RBMS1: variants seen among roughly 807,000 people sequenced by gnomAD.
The protein encoded by RBMS1 is RNA binding motif single stranded interacting protein 1.
RBMS1 carries 17 observed loss-of-function variants against 62.3 expected under a neutral mutation model. That is an observed-to-expected ratio of 0.27 (90% CI 0.19 to 0.41). The LOEUF (loss-of-function observed/expected upper bound fraction) is 0.41. Ranked by LOEUF, RBMS1 falls within the 10% of genes least tolerant of loss-of-function variation. RBMS1 has a pLI of 1.00. For synonymous variants in RBMS1, 172 were observed against 170.0 expected, an observed-to-expected ratio of 1.01 and a Z score of -0.09; for missense variants, 334 against 504.5, an observed-to-expected ratio of 0.66 and a Z score of 3.24.
chr2:160,365,513 TATG>T (rs1446512839), intron 2 of RBMS1, among the ~76,000 whole-genome samples: 12 of 152,242 alleles, frequency 7.9e-5, no homozygotes, highest in African/African-American at 2.9e-4. Context: ...ACATTTGTAA[TATG>T]ATTCAGTTCA....
chr2:160,332,340 T>G (rs1691324328), intron 2 of RBMS1, among the ~76,000 whole-genome samples: 1 of 152,204 alleles, frequency 6.6e-6, no homozygotes. Context: ...TTATTTTAAT[T>G]TCAAGTTATA....
At chr2:160,310,387 G>C (rs1689783391) in intron 4 of RBMS1, among the ~76,000 whole-genome samples, 1 of 152,142 alleles carries the variant, frequency 6.6e-6, no homozygotes, top group Admixed American at 6.6e-5. Context: ...TTGACTCTCA[G>C]CAGTTTTAAA....
chr2:160,318,197 A>T lies in RBMS1; in HGVS notation c.282T>A (p.Ile94=), dbSNP rs76914882. Residue 94 remains isoleucine (I), a synonymous_variant, in exon 3 of 14, where the codon ATT becomes ATA. Transcript: ENST00000348849. ...PYGKIVSTKA[I]LDKTTNKCKG... ...TGCATTTGTTCGTTGTCTTATCCAA[A>T]ATTGCCTTTGTGGAGACTATTTTCC... 521 of 1,574,832 alleles carry T rather than the reference A, an allele frequency of 3.3e-4. No individual in the cohort carries two copies. Among genetic ancestry groups the T allele is most frequent in the Non-Finnish European group, 4.4e-4 (510 of 1,164,096 alleles).
At chr2:160,384,652 A>T (rs1318369876) in intron 1 of RBMS1, among the ~76,000 whole-genome samples, 1 of 152,196 alleles carries the variant, frequency 6.6e-6, no homozygotes, top group Non-Finnish European at 1.5e-5. Flanking sequence ...TCATCTCTTC[A>T]TCTGTACAGT....
chr2:160,363,479 G>A (rs80079217), intron 2 of RBMS1, among the ~76,000 whole-genome samples: 14,683 of 152,048 alleles, frequency 0.097, 975 homozygotes, highest in East Asian at 0.25. Context: ...GGGAGGCACC[G>A]GATGGGAGGT....
chr2:160,391,507 G>A (rs546602381), intron 1 of RBMS1, among the ~76,000 whole-genome samples: 2 of 151,950 alleles, frequency 1.3e-5, no homozygotes, highest in Non-Finnish European at 2.9e-5. Context: ...CAGGTGCTTC[G>A]GTAGTCTGCT....
chr2:160,284,669 T>A (rs1383664677), intron 9 of RBMS1, 106 bp downstream of exon 9: 5 of 906,206 alleles, frequency 5.5e-6, no homozygotes, highest in Non-Finnish European at 9.1e-6. Flanking sequence ...GCATAATATT[T>A]GACTCAAATT....
At position 160,493,521 on chromosome 2, in the gene RBMS1, G is replaced by C; in HGVS notation, c.-158C>G. ...CTCCACCTCCCAGCCGGGACCAGACGTCCTCCTCCTCCTCCTCCTCTTCCT... is the reference window on the plus strand; with the variant it reads ...CTCCACCTCCCAGCCGGGACCAGACCTCCTCCTCCTCCTCCTCCTCTTCCT... On this transcript the variant is annotated 5_prime_UTR_variant, in exon 1 of 14. Transcript: ENST00000348849. The C allele has an allele frequency of 4.8e-6, 3 of 621,536 alleles. No homozygotes were observed. Among genetic ancestry groups the C allele is most frequent in the Non-Finnish European group, 8.5e-6 (3 of 351,984 alleles). The allele number at this position is 621,536 out of a possible 1,614,324, so 38.5% of individuals were successfully genotyped here. A position where few individuals can be genotyped will look rare whatever the true frequency, so the allele number is the denominator to read the frequency against.
chr2:160,302,883 TATC>T (rs1689290893), intron 5 of RBMS1: 1 of 153,412 alleles, frequency 6.5e-6, no homozygotes, highest in Non-Finnish European at 1.5e-5. Context: ...GTTACACAGT[TATC>T]ATGTCCTTGT....
chr2:160,393,028 G>C (rs1178769290), intron 1 of RBMS1, among the ~76,000 whole-genome samples: 1 of 152,186 alleles, frequency 6.6e-6, no homozygotes, highest in Non-Finnish European at 1.5e-5. Flanking sequence ...ACTCGGCAAT[G>C]AATTGATGTC....
At chr2:160,442,033 T>C (rs112186562) in intron 1 of RBMS1, among the ~76,000 whole-genome samples, 1 of 152,254 alleles carries the variant, frequency 6.6e-6, no homozygotes, top group Admixed American at 6.5e-5. Flanking sequence ...AAATCCTTTA[T>C]GTATTCCAGA....
At chr2:160,282,026 A>G in intron 9 of RBMS1, 1 of 330,786 alleles carries the variant, frequency 3.0e-6, no homozygotes, top group Admixed American at 3.9e-5. Context: ...TGTGAGAGTC[A>G]GGTTTTGTGG....
intron 1 of RBMS1, among the ~76,000 whole-genome samples, chr2:160,400,611 T>C (rs1260790596): frequency 6.6e-6 from 1 of 152,178 alleles, no homozygotes; most frequent in Non-Finnish European, 1.5e-5. Context: ...GCTACTCTCC[T>C]GAAAAGTAAT....
chr2:160,391,472 A>G (rs1172220392), intron 1 of RBMS1, among the ~76,000 whole-genome samples: 1 of 152,110 alleles, frequency 6.6e-6, no homozygotes, highest in Non-Finnish European at 1.5e-5. Context: ...GAACTTTGTT[A>G]TAGCAGCCCT....
chr2:160,281,457 C>G, intron 9 of RBMS1, 93 bp from the exon 10 acceptor site: 1 of 1,086,728 alleles, frequency 9.2e-7, no homozygotes, highest in Non-Finnish European at 1.4e-6. Flanking sequence ...TAAAAATCTA[C>G]AGAAAGAAAA....
At chr2:160,475,807 C>T (rs1444713710) in intron 1 of RBMS1, among the ~76,000 whole-genome samples, 1 of 151,652 alleles carries the variant, frequency 6.6e-6, no homozygotes, top group African/African-American at 2.4e-5. Flanking sequence ...TAATAATGCC[C>T]CATCCATATG....
intron 1 of RBMS1, among the ~76,000 whole-genome samples, chr2:160,448,353 TGGA>T (rs1683761983): frequency 7.0e-6 from 1 of 142,224 alleles, no homozygotes; most frequent in Admixed American, 7.3e-5. Flanking sequence ...GAGCGGAGGC[TGGA>T]CTGTACTGCC....
intron 2 of RBMS1, among the ~76,000 whole-genome samples, chr2:160,363,344 A>C (rs1693229607): frequency 6.6e-6 from 1 of 152,214 alleles, no homozygotes; most frequent in Non-Finnish European, 1.5e-5. Flanking sequence ...TATGGAAATA[A>C]GATGCTGATT....
intron 1 of RBMS1, among the ~76,000 whole-genome samples, chr2:160,426,290 A>G (rs199662020): frequency 0.028 from 1,818 of 65,546 alleles, 22 homozygotes; most frequent in Middle Eastern, 0.07. Flanking sequence ...AGAAAGAAAG[A>G]AAAGAAAGAA....
Sources: allele counts gnomAD v4.1 joint callset (sites outside exome capture counted in the v4.1 genomes callset), GRCh38; gene constraint gnomAD v4.1.1; transcripts MANE v1.5; gene names NCBI Gene and HGNC (gene_info 2026-07-23, HGNC 2026-07-21).